Variants in KIF17 observed in about 807,000 individuals in gnomAD.
KIF17 encodes kinesin family member 17.
A neutral mutation model predicts 96.8 loss-of-function variants in KIF17; 80 were observed. That is an observed-to-expected ratio of 0.83 (90% CI 0.69 to 1.00). The LOEUF is 1.00. KIF17 is among the 50% of genes least tolerant of loss of function. KIF17 has a pLI of 0.00. For missense variants in KIF17, 1,280 were observed against 1,372.9 expected, an observed-to-expected ratio of 0.93 and a Z score of 1.07; for synonymous variants, 567 against 587.5, an observed-to-expected ratio of 0.97 and a Z score of 0.51.
chr1:20,679,778 G>A (rs1283939112), intron 11 of KIF17, among the ~76,000 whole-genome samples: 1 of 152,150 alleles, frequency 6.6e-6, no homozygotes, highest in Admixed American at 6.5e-5. Context: ...AATGAGTGTG[G>A]ACAAGGATTC....
rs2154534665 is a variant in KIF17 at position 20,664,701 on chromosome 1, G to A, written c.2970C>T (p.Pro990=). The A allele has an allele frequency of 6.2e-7, 1 of 1,612,274 alleles. No individual in the cohort carries two copies. Among genetic ancestry groups the A allele is most frequent in the Middle Eastern group, 2.0e-4 (1 of 5,128 alleles). ...GCTGGGGCATTTCAGGGGCCTGGGT[G>A]GGTGGGATGGCAGAGTTGTTGCTGA... The part of the protein sequence containing the change: ...CPLSNNSAIP[P]TQAPEMPQPR... The change falls in exon 15 of 15, where the codon CCC becomes CCT. Residue 990 remains proline (P), a synonymous_variant. Transcript: ENST00000400463.
chr1:20,673,660 G>A (rs1468567019), intron 11 of KIF17, among the ~76,000 whole-genome samples: 1 of 151,074 alleles, frequency 6.6e-6, no homozygotes, highest in Non-Finnish European at 1.5e-5. Context: ...CTCCCAAGAA[G>A]CTGGGATTAC....
intron 11 of KIF17, among the ~76,000 whole-genome samples, chr1:20,678,111 G>A (rs1002095165): frequency 3.3e-5 from 5 of 152,162 alleles, no homozygotes; most frequent in Non-Finnish European, 5.9e-5. Context: ...TGGCTGGGGC[G>A]GCCTCACAAT....
chr1:20,710,892 G>C (rs2054423809), intron 3 of KIF17, among the ~76,000 whole-genome samples: 1 of 152,138 alleles, frequency 6.6e-6, no homozygotes, highest in Non-Finnish European at 1.5e-5. Context: ...GCTGTTAGTG[G>C]GGTCACAGCC....
chr1:20,671,433 C>T (rs746772402), intron 12 of KIF17, among the ~76,000 whole-genome samples: 13 of 152,090 alleles, frequency 8.5e-5, no homozygotes, highest in Non-Finnish European at 1.3e-4. Flanking sequence ...CAGGCTCAAG[C>T]GATCCTCTCG....
chr1:20,701,313 C>T (rs1191730765), intron 5 of KIF17, among the ~76,000 whole-genome samples: 2 of 152,170 alleles, frequency 1.3e-5, no homozygotes, highest in Non-Finnish European at 2.9e-5. Flanking sequence ...TGCCTGTAGT[C>T]CCAGCTACTT....
Position 20,687,492 on chromosome 1 carries a change from G to GC in KIF17, c.1833_1834insG (p.Leu612AlafsTer47). The GC allele has an allele frequency of 6.2e-7, 1 of 1,613,940 alleles. No homozygotes were observed. Among genetic ancestry groups the GC allele is most frequent in the Non-Finnish European group, 8.5e-7 (1 of 1,179,930 alleles). ...TCCACCTCGGCAAACGGGTCCTGCA[G>GC]GCCTAGTAACCCCTGCAGGGGCACC... is the stretch of plus-strand genomic sequence containing the variant. On this transcript the variant is annotated frameshift_variant, in exon 8 of 15. Coordinates refer to ENST00000400463, the MANE Select transcript of KIF17 (RefSeq NM_001122819.3). LOFTEE classifies it high-confidence loss of function. The surrounding 1 kb of genome is among the most constrained non-coding windows in gnomAD (Gnocchi z 4.4).
At chr1:20,670,533 A>T in intron 12 of KIF17, 45 bp from the exon 13 acceptor site, 1 of 1,590,788 alleles carries the variant, frequency 6.3e-7, no homozygotes, top group Non-Finnish European at 8.6e-7. Flanking sequence ...GCCTGGTGCA[A>T]GGCCTAGAGG....
At chr1:20,666,190 TG>T (rs1263936974) in intron 14 of KIF17, 23 bp downstream of exon 14, 1 of 1,536,146 alleles carries the variant, frequency 6.5e-7, no homozygotes. Context: ...GTGGAGAGGG[TG>T]GGGACAGGGG....
At chr1:20,701,018 C>G (rs1402563196) in intron 5 of KIF17, among the ~76,000 whole-genome samples, 3 of 152,198 alleles carry the variant, frequency 2.0e-5, no homozygotes, top group East Asian at 3.9e-4. Flanking sequence ...CCCTCCAGAC[C>G]GATGCTGGTG....
chr1:20,690,563 C>T (rs1381527561), intron 6 of KIF17, among the ~76,000 whole-genome samples: 1 of 151,938 alleles, frequency 6.6e-6, no homozygotes, highest in Non-Finnish European at 1.5e-5. Flanking sequence ...CACTCTGTCC[C>T]CCAGGCTGGA....
chr1:20,672,060 A>C lies in KIF17; in HGVS notation c.2600T>G (p.Leu867Arg), dbSNP rs2053656778. Residue 867 changes from leucine to arginine, a missense_variant, in exon 12 of 15, where the codon CTG (leucine) becomes CGG (arginine). Transcript: ENST00000400463. The surrounding 1 kb of genome is among the most constrained non-coding windows in gnomAD (Gnocchi z 4.3). ...LQQLLEQVQP[L>R]IRRDCNYSNL... ...GCTGTAGTTACAGTCCCTGCGAATC[A>C]GGGGCTGCACCTGCTCCAGGAGCTG... The C allele has an allele frequency of 6.2e-7, 1 of 1,613,550 alleles. No homozygotes were observed. The highest frequency in any genetic ancestry group is 8.5e-7 in the Non-Finnish European group (1 of 1,179,988).
chr1:20,714,835 G>A (rs1359984488), intron 2 of KIF17, among the ~76,000 whole-genome samples: 2 of 151,396 alleles, frequency 1.3e-5, no homozygotes, highest in African/African-American at 4.9e-5. Flanking sequence ...CCACAGGGAA[G>A]GCCTGGGCCA....
At chr1:20,692,385 G>A (rs1476824433) in intron 6 of KIF17, among the ~76,000 whole-genome samples, 1 of 151,506 alleles carries the variant, frequency 6.6e-6, no homozygotes. Flanking sequence ...CTGTCACCTG[G>A]GCTGGAGTGC....
At chr1:20,662,569 C>A (rs966144139), downstream of KIF17, among the ~76,000 whole-genome samples, 1 of 152,212 alleles carries the variant, frequency 6.6e-6, no homozygotes, top group Non-Finnish European at 1.5e-5. Context: ...CTAACTCCTG[C>A]CCTTCCACCC....
intron 6 of KIF17, among the ~76,000 whole-genome samples, chr1:20,690,598 T>C (rs2054021635): frequency 6.6e-6 from 1 of 151,700 alleles, no homozygotes; most frequent in African/African-American, 2.4e-5. Flanking sequence ...TCATGGCTCA[T>C]TCCAGCCTCG....
chr1:20,669,993 G>GA (rs67188527), intron 13 of KIF17, among the ~76,000 whole-genome samples: 18,620 of 122,416 alleles, frequency 0.15, 1,471 homozygotes, highest in East Asian at 0.21. Flanking sequence ...CTTAGAAAAA[G>GA]AAAAAAAAAA....
In KIF17 at chr1:20,704,501, T is replaced by A; in HGVS notation, c.1069A>T (p.Ile357Phe). 6.2e-7 allele frequency: 1 copy of A among 1,614,174 alleles called. No homozygotes were observed. The highest frequency in any genetic ancestry group is 8.5e-7 in the Non-Finnish European group (1 of 1,180,020). Residue 357 changes from isoleucine (I) to phenylalanine (F), a missense_variant, in exon 5 of 15, where the codon ATC (isoleucine) becomes TTC (phenylalanine). Physicochemically the swap from Ile to Phe is conservative, Grantham distance 21. Transcript: ENST00000400463. The surrounding 1 kb of genome is among the most constrained non-coding windows in gnomAD (Gnocchi z 6.8). ...DALLREYQEE[I>F]KKLKAILTQQ... is the part of the protein sequence containing the mutation. ...GTCAGGATGGCCTTGAGCTTCTTGA[T>A]CTCCTCCTGGTACTCGCGAAGCAGC...
At chr1:20,701,963 T>G (rs763418652) in intron 5 of KIF17, among the ~76,000 whole-genome samples, 8 of 152,126 alleles carry the variant, frequency 5.3e-5, no homozygotes, top group Non-Finnish European at 8.8e-5. Context: ...GGGGGAAATG[T>G]CTAAAGTGAG....
Sources: allele counts gnomAD v4.1 joint callset (sites outside exome capture counted in the v4.1 genomes callset), GRCh38; gene constraint gnomAD v4.1.1; non-coding constraint Gnocchi (gnomAD v3.1); transcripts MANE v1.5; gene names NCBI Gene and HGNC (gene_info 2026-07-23, HGNC 2026-07-21).